AKAP9: variants seen among roughly 807,000 people sequenced by gnomAD.
AKAP9 encodes A-kinase anchor protein 9.
AKAP9 carries 311 observed loss-of-function variants against 488.5 expected under a neutral mutation model. The ratio of observed to expected loss-of-function variants is 0.64; its 90% CI spans 0.58 to 0.70. The LOEUF (loss-of-function observed/expected upper bound fraction) is 0.70. Among genes scored for constraint, AKAP9 ranks in the 30% least tolerant of loss-of-function variants. The probability of loss-of-function intolerance (pLI) is 0.00; values close to 1 mark genes in which losing one functional copy is unlikely to be tolerated. For missense variants in AKAP9, 4,215 were observed against 4,374.5 expected (o/e 0.96, Z 1.03); for synonymous variants, 1,462 against 1,483.5 (o/e 0.99, Z 0.33).
At chr7:91,977,056 C>T (rs190620552) in intron 2 of AKAP9, among the ~76,000 whole-genome samples, 40 of 150,934 alleles carry the variant, frequency 2.7e-4, no homozygotes, top group African/African-American at 8.8e-4. Context: ...CCGAAGAGTT[C>T]GAGACCAGCC....
rs1800911048 is a variant in AKAP9 at position 92,012,650 on chromosome 7, G to T, written c.3532+8G>T. 8 of 1,590,298 alleles carry T rather than the reference G, an allele frequency of 5.0e-6. No homozygotes were observed. Among genetic ancestry groups the T allele is most frequent in the Non-Finnish European group, 6.9e-6 (8 of 1,159,426 alleles). Reference sequence around the variant, plus strand: ...TGAAAACACAAGAAACAGGTAAAATGGTTTCTGACTTATAAGTACCATGAT... The same window carrying T: ...TGAAAACACAAGAAACAGGTAAAATTGTTTCTGACTTATAAGTACCATGAT... On this transcript the variant is annotated splice_region_variant and intron_variant, in intron 9 of 49. Transcript: ENST00000356239.
chr7:92,041,652 TAATA>T (rs938119013), intron 18 of AKAP9: 6 of 170,314 alleles, frequency 3.5e-5, no homozygotes, highest in African/African-American at 1.4e-4. Flanking sequence ...CTAAGAGAGA[TAATA>T]AATATCTAGA....
intron 20 of AKAP9, among the ~76,000 whole-genome samples, chr7:92,044,574 A>G (rs1426239303): frequency 6.6e-6 from 1 of 152,244 alleles, no homozygotes; most frequent in African/African-American, 2.4e-5. Flanking sequence ...TATGTTTAAC[A>G]TATAGAAAGA....
At position 92,070,954 on chromosome 7, in the gene AKAP9, C is replaced by G. The variant is rs987632006; in HGVS notation, c.6557C>G (p.Ser2186Cys). 1.7e-5 allele frequency: 28 copies of G among 1,613,840 alleles called. No individual in the cohort carries two copies. Among genetic ancestry groups the G allele is most frequent in the Non-Finnish European group, 2.3e-5 (27 of 1,179,948 alleles). Residue 2186 changes from serine to cysteine, a missense_variant, in exon 28 of 50, where the codon TCC becomes TGC. Coordinates refer to ENST00000356239, the MANE Select transcript of AKAP9 (RefSeq NM_005751.5). ...GCTGTAGAAGCTAAACCAGAATTGTCCCTAGAAGTACAATTGCAGGCTGAA... is the reference window on the plus strand; with the variant it reads ...GCTGTAGAAGCTAAACCAGAATTGTGCCTAGAAGTACAATTGCAGGCTGAA... ...FGAVEAKPEL[S>C]LEVQLQAERD...
At chr7:91,992,277 A>C in intron 4 of AKAP9, 66 bp downstream of exon 4, 1 of 1,257,384 alleles carries the variant, frequency 8.0e-7, no homozygotes, top group South Asian at 1.2e-5. Context: ...TGGCTTACTA[A>C]CAAAACTTTT....
At chr7:92,102,500 C>T (rs556727600) in intron 45 of AKAP9, 94 bp from the exon 46 acceptor site, 60 of 924,256 alleles carry the variant, frequency 6.5e-5, no homozygotes, top group Non-Finnish European at 9.3e-5. Flanking sequence ...CCACCACCAC[C>T]ACCACTACTT....
At chr7:92,103,387 CAAAAAAA>C (rs898565298) in intron 46 of AKAP9, among the ~76,000 whole-genome samples, 8 of 25,924 alleles carry the variant, frequency 3.1e-4, no homozygotes, top group African/African-American at 9.8e-4. Flanking sequence ...GAGACTCTGT[CAAAAAAA>C]AAAAAAAAAA....
At position 92,097,750 on chromosome 7, in the gene AKAP9, T is replaced by C. The variant is rs1407283845; in HGVS notation, c.10563T>C (p.Cys3521=). The change falls in exon 42 of 50, where the codon TGT becomes TGC. Residue 3521 remains cysteine (C), a synonymous_variant. Transcript: ENST00000356239. ...ELEMIRQKLQ[C]VASKLQVLPQ... Reference sequence around the variant, plus strand: ...AAATGATCAGACAAAAGCTTCAATGTGTAGCTTCAAAACTACAGGTTCTAC... The same window carrying C: ...AAATGATCAGACAAAAGCTTCAATGCGTAGCTTCAAAACTACAGGTTCTAC... 1.2e-6 allele frequency: 2 copies of C among 1,614,212 alleles called. No homozygotes were observed. Among genetic ancestry groups the C allele is most frequent in the South Asian group, 2.2e-5 (2 of 91,088 alleles).
At chr7:92,107,955 G>C (rs1818791439) in intron 48 of AKAP9, 1 of 170,710 alleles carries the variant, frequency 5.9e-6, no homozygotes. Flanking sequence ...GGAGGTGGAG[G>C]TTGCAGTGAG....
rs1212640163 is a variant in AKAP9, at chr7:92,042,188, T to C, written c.5058+2T>C. 1 of 1,613,712 alleles carries C rather than the reference T, an allele frequency of 6.2e-7. No homozygotes were observed. The highest frequency in any genetic ancestry group is 1.3e-5 in the African/African-American group (1 of 75,018). ...CGCAACAGCAGTACGCAAACACAGG[T>C]AGTATGGACTTTGCCCCACCTAGGA... On this transcript the variant is annotated splice_donor_variant, in intron 19 of 49. Coordinates refer to ENST00000356239, the MANE Select transcript of AKAP9 (RefSeq NM_005751.5). LOFTEE classifies it high-confidence loss of function.
At chr7:92,037,063 T>G (rs577080022) in intron 16 of AKAP9, among the ~76,000 whole-genome samples, 1 of 152,308 alleles carries the variant, frequency 6.6e-6, no homozygotes, top group Non-Finnish European at 1.5e-5. Flanking sequence ...GCCGTAATAT[T>G]TATTAAATAT....
intron 28 of AKAP9, among the ~76,000 whole-genome samples, chr7:92,071,671 C>A (rs1811758250): frequency 1.3e-5 from 2 of 152,094 alleles, no homozygotes; most frequent in Admixed American, 1.3e-4. Context: ...CATTGTCTAG[C>A]TATATCTTAT....
intron 48 of AKAP9, 111 bp from the exon 49 acceptor site, chr7:92,108,383 T>G (rs1406757798): frequency 2.0e-6 from 2 of 985,496 alleles, no homozygotes; most frequent in Non-Finnish European, 3.2e-6. Flanking sequence ...GGAGATACAT[T>G]ATGTGTGTAC....
chr7:91,998,490 T>G (rs1798707965), intron 7 of AKAP9, among the ~76,000 whole-genome samples: 1 of 137,410 alleles, frequency 7.3e-6, no homozygotes, highest in African/African-American at 2.7e-5. Context: ...ACCATGTACT[T>G]TGAAATAAGT....
intron 37 of AKAP9, among the ~76,000 whole-genome samples, chr7:92,087,987 G>T (rs983995500): frequency 6.6e-6 from 1 of 151,990 alleles, no homozygotes; most frequent in African/African-American, 2.4e-5. Flanking sequence ...AAACACTGTA[G>T]TGTTAAATCA....
rs764336009 is a variant in AKAP9 at position 92,014,347 on chromosome 7, C to G, written c.3612+19C>G. 6.5e-7 allele frequency: 1 copy of G among 1,537,876 alleles called. No homozygotes were observed. On this transcript the variant is annotated intron_variant, in intron 10 of 49. Coordinates refer to ENST00000356239, the MANE Select transcript of AKAP9 (RefSeq NM_005751.5). The stretch of plus-strand genomic sequence containing the variant: ...TTTACAGGTAAAATGTTTAAAAGTA[C>G]TTTTATGGCCAGATGTGGTGGCTGA...
chr7:91,981,483 C>A (rs917445223), intron 3 of AKAP9, among the ~76,000 whole-genome samples: 1 of 151,902 alleles, frequency 6.6e-6, no homozygotes, highest in Non-Finnish European at 1.5e-5. Flanking sequence ...CTTAGGCATC[C>A]GTGATTTTAG....
At chr7:92,037,434 CAGTAA>C (rs1194258828) in intron 16 of AKAP9, among the ~76,000 whole-genome samples, 2 of 152,162 alleles carry the variant, frequency 1.3e-5, no homozygotes, top group African/African-American at 4.8e-5. Context: ...TGCTGCAGAT[CAGTAA>C]ATACAAATAT....
intron 1 of AKAP9, among the ~76,000 whole-genome samples, chr7:91,970,089 G>A (rs1794866869): frequency 6.6e-6 from 1 of 150,794 alleles, no homozygotes; most frequent in African/African-American, 2.4e-5. Context: ...ATAGTTTTTG[G>A]CATTGTGGTC....
Sources: gnomAD v4.1 joint callset for allele counts (sites outside exome capture counted in the v4.1 genomes callset) on GRCh38, gnomAD v4.1.1 for gene constraint, MANE v1.5 for transcripts, NCBI Gene and HGNC (gene_info 2026-07-23, HGNC 2026-07-21) for gene names.